The following CPT1A variants were observed in gnomAD, a reference collection of about 807,000 sequenced individuals.
CPT1A encodes the protein carnitine O-palmitoyltransferase 1, liver isoform.
CPT1A carries 64 observed loss-of-function variants against 100.8 expected under a neutral mutation model. The ratio of observed to expected loss-of-function variants is 0.63; its 90% CI spans 0.52 to 0.78. The LOEUF is 0.78. Among genes scored for constraint, CPT1A ranks in the 30% least tolerant of loss-of-function variants. The pLI is 0.00. For missense variants in CPT1A, 802 were observed against 1,034.1 expected, an observed-to-expected ratio of 0.78 and a Z score of 3.08; for synonymous variants, 363 against 396.0, an observed-to-expected ratio of 0.92 and a Z score of 0.99.
intron 5 of CPT1A, among the ~76,000 whole-genome samples, chr11:68,803,202 C>T (rs1294926279): frequency 6.6e-6 from 1 of 152,202 alleles, no homozygotes; most frequent in East Asian, 1.9e-4. Context: ...AATTCTGACA[C>T]AGGCTGCTAT....
upstream of CPT1A, chr11:68,842,016 G>A (rs1010284339): frequency 8.3e-6 from 8 of 965,272 alleles, no homozygotes; most frequent in Non-Finnish European, 9.9e-6. Context: ...CGCGGGGCTA[G>A]GAGGGGAGGG....
chr11:68,780,853 T>C, intron 11 of CPT1A, 108 bp from the exon 12 acceptor site: 1 of 805,932 alleles, frequency 1.2e-6, no homozygotes. Context: ...TTTGCACCTG[T>C]CCCTCTAACA....
chr11:68,829,077 C>T (rs559289597), intron 1 of CPT1A, among the ~76,000 whole-genome samples: 20 of 152,286 alleles, frequency 1.3e-4, no homozygotes, highest in Middle Eastern at 3.4e-3. Flanking sequence ...TCCACGTGCC[C>T]GCATCCTCCC....
At chr11:68,814,676 G>A (rs772840256) in intron 2 of CPT1A, among the ~76,000 whole-genome samples, 5 of 151,620 alleles carry the variant, frequency 3.3e-5, no homozygotes, top group Non-Finnish European at 7.4e-5. Context: ...ACTTGCTGAA[G>A]TTTGGAAAAA....
rs80356784 is a variant in CPT1A, at chr11:68,780,705, C to T, written c.1393G>A (p.Gly465Arg). ...KSFTFVVFKN[G>R]KMGLNAEHSW... ...TGTTCAGCGTTGAGGCCCATCTTCC[C>T]GTTTTTGAAGACAACAAACGTGAAC... The change falls in exon 12 of 19, where the codon GGG (glycine) becomes AGG (arginine). Residue 465 changes from glycine to arginine, a missense_variant. Gly to Arg is a moderately radical substitution (Grantham distance 125). Transcript: ENST00000265641. The T allele has an allele frequency of 9.3e-6, 15 of 1,614,106 alleles. No homozygotes were observed. The highest frequency in any genetic ancestry group is 4.5e-5 in the East Asian group (2 of 44,900).
At chr11:68,779,795 CAA>C (rs11419131) in intron 12 of CPT1A, among the ~76,000 whole-genome samples, 1 of 124,022 alleles carries the variant, frequency 8.1e-6, no homozygotes. Context: ...GACCCTGTCT[CAA>C]AAAAAAAAAA....
At chr11:68,836,684 A>C (rs1857017365) in intron 1 of CPT1A, among the ~76,000 whole-genome samples, 1 of 151,938 alleles carries the variant, frequency 6.6e-6, no homozygotes, top group South Asian at 2.1e-4. Context: ...AGGCAGGAGA[A>C]TCACTTGAAC....
intron 1 of CPT1A, among the ~76,000 whole-genome samples, chr11:68,819,947 G>A (rs150164296): frequency 1.1e-3 from 172 of 152,344 alleles, no homozygotes; most frequent in African/African-American, 3.9e-3. Context: ...GCCTGGATCA[G>A]TGGCCTTATG....
At chr11:68,834,360 C>T (rs946079737) in intron 1 of CPT1A, among the ~76,000 whole-genome samples, 3 of 151,874 alleles carry the variant, frequency 2.0e-5, no homozygotes, top group African/African-American at 2.4e-5. Flanking sequence ...CGCTTGAACC[C>T]GGGAGGCAGA....
In CPT1A at chr11:68,837,656, G is replaced by A. The variant is rs754538245; in HGVS notation, c.-14+4119C>T. Among the ~76,000 whole-genome samples, 11 of 152,184 alleles carry A rather than the reference G, an allele frequency of 7.2e-5. No individual in the cohort carries two copies. The Middle Eastern group carries it at 0.01, about 141-fold the overall frequency. Reference sequence around the variant, plus strand: ...GGAATAACAGTGCCCCTCGTCAGGCGGTTATGGCAATCCAGAGTGGAAAAA... The same window carrying A: ...GGAATAACAGTGCCCCTCGTCAGGCAGTTATGGCAATCCAGAGTGGAAAAA... On this transcript the variant is annotated intron_variant, in intron 1 of 18. Coordinates refer to ENST00000265641, the MANE Select transcript of CPT1A (RefSeq NM_001876.4).
intron 5 of CPT1A, 110 bp downstream of exon 5, chr11:68,803,890 G>A (rs1855974766): frequency 1.2e-5 from 10 of 816,662 alleles, no homozygotes; most frequent in East Asian, 2.5e-5. Flanking sequence ...CAGGCACACC[G>A]CTGAAGGCTA....
intron 17 of CPT1A, 133 bp from the exon 18 acceptor site, chr11:68,759,794 G>A (rs1946767500): frequency 2.7e-6 from 2 of 735,050 alleles, no homozygotes; most frequent in Non-Finnish European, 2.5e-6. Context: ...TTGGGAGGCT[G>A]AGGCAGGCGG....
At chr11:68,814,451 C>A (rs1432045715) in intron 2 of CPT1A, among the ~76,000 whole-genome samples, 1 of 151,092 alleles carries the variant, frequency 6.6e-6, no homozygotes, top group African/African-American at 2.4e-5. Context: ...GGACTGCAGG[C>A]GCCCGCCACC....
At position 68,815,571 on chromosome 11, in the gene CPT1A, T is replaced by C; in HGVS notation, c.-13-84A>G. The stretch of plus-strand genomic sequence containing the variant: ...CCTCATACAGAAGTGCCATTCCTTC[T>C]GAACTTAAGTTCTTCCTCGCCACTT... On this transcript the variant is annotated intron_variant, in intron 1 of 18. Transcript: ENST00000265641. 3.7e-6 allele frequency: 5 copies of C among 1,345,642 alleles called. No homozygotes were observed. The South Asian group carries it at 5.9e-5, about 16-fold the overall frequency. The allele number at this position is 1,345,642 out of a possible 1,614,324, so 83.4% of individuals were successfully genotyped here. A position where few individuals can be genotyped will look rare whatever the true frequency, so the allele number is the denominator to read the frequency against.
intron 6 of CPT1A, 108 bp from the exon 7 acceptor site, chr11:68,797,041 C>CA (rs1331242655): frequency 3.8e-6 from 4 of 1,045,448 alleles, no homozygotes; most frequent in Non-Finnish European, 5.8e-6. Flanking sequence ...TTTTGGCAGA[C>CA]ATTTCGGCGT....
intron 14 of CPT1A, among the ~76,000 whole-genome samples, chr11:68,768,214 T>C (rs544166419): frequency 0.017 from 2,572 of 150,852 alleles, 35 homozygotes; most frequent in Non-Finnish European, 0.027. Context: ...TAGCTGGGAG[T>C]ACAGGCGCCC....
At position 68,756,151 on chromosome 11, in the gene CPT1A, A is replaced by G. The variant is rs1441213687; in HGVS notation, c.*1493T>C. The stretch of plus-strand genomic sequence containing the variant: ...AAAAAAAAGGCACGTGTTCTCCGGC[A>G]AGCACCTTCCATCGACTCCAACAGT... On this transcript the variant is annotated 3_prime_UTR_variant, in exon 19 of 19. Coordinates refer to ENST00000265641, the MANE Select transcript of CPT1A (RefSeq NM_001876.4). 1 of 149,548 alleles carries G rather than the reference A, an allele frequency of 6.7e-6. No homozygotes were observed. Among genetic ancestry groups the G allele is most frequent in the Admixed American group, 6.7e-5 (1 of 14,950 alleles). The allele number at this position is 149,548 out of a possible 1,614,324, so 9.3% of individuals were successfully genotyped here.
intron 9 of CPT1A, 67 bp from the exon 10 acceptor site, chr11:68,785,077 G>A (rs893760444): frequency 2.9e-5 from 41 of 1,406,548 alleles, no homozygotes; most frequent in Middle Eastern, 1.8e-4. Context: ...TGAGACGACC[G>A]TACCCTGACT....
intron 17 of CPT1A, 80 bp from the exon 18 acceptor site, chr11:68,759,741 A>G: frequency 2.8e-6 from 3 of 1,063,120 alleles, no homozygotes; most frequent in Non-Finnish European, 2.9e-6. Context: ...TCTAAATGCA[A>G]CACTGGCGGG....
Sources: allele counts gnomAD v4.1 joint callset (sites outside exome capture counted in the v4.1 genomes callset), GRCh38; gene constraint gnomAD v4.1.1; transcripts MANE v1.5; gene names NCBI Gene and HGNC (gene_info 2026-07-23, HGNC 2026-07-21).